Variants in PCDH15 observed in about 807,000 individuals in gnomAD.
PCDH15 encodes protocadherin-15.
Under a neutral mutation model 178.5 loss-of-function variants are expected in PCDH15, and 129 were observed. The ratio of observed to expected loss-of-function variants is 0.72; its 90% CI spans 0.63 to 0.84. The LOEUF (loss-of-function observed/expected upper bound fraction) is 0.84. Ranked by LOEUF, PCDH15 falls within the 40% of genes least tolerant of loss-of-function variation. PCDH15 has a pLI of 0.00. For synonymous variants in PCDH15, 800 were observed against 732.0 expected, an observed-to-expected ratio of 1.09 and a Z score of -1.50; for missense variants, 2,230 against 2,099.9, an observed-to-expected ratio of 1.06 and a Z score of -1.21.
chr10:54,228,675 G>T (rs1220720317), intron 9 of PCDH15, among the ~76,000 whole-genome samples: 2 of 152,206 alleles, frequency 1.3e-5, no homozygotes, highest in Non-Finnish European at 2.9e-5. Context: ...GGCAGGAGAA[G>T]ATGGACGTTC....
chr10:55,302,304 T>A (rs1843307273), intron 1 of PCDH15, among the ~76,000 whole-genome samples: 1 of 152,166 alleles, frequency 6.6e-6, no homozygotes, highest in Non-Finnish European at 1.5e-5. Flanking sequence ...AAACACTGCA[T>A]ATGTTTTACT....
chr10:53,955,386 T>G (rs551928189), intron 23 of PCDH15, among the ~76,000 whole-genome samples: 2 of 152,220 alleles, frequency 1.3e-5, no homozygotes, highest in Non-Finnish European at 2.9e-5. Context: ...ATTTAATGAC[T>G]GTCTAATAGA....
At chr10:55,158,876 G>A (rs1304354737) in intron 2 of PCDH15, among the ~76,000 whole-genome samples, 3 of 76,972 alleles carry the variant, frequency 3.9e-5, no homozygotes, top group Admixed American at 3.2e-4. Context: ...AGGGAGAGAG[G>A]GAGGGAGAAG....
At chr10:54,527,475 TG>T (rs1303789370) in intron 3 of PCDH15, among the ~76,000 whole-genome samples, 1 of 152,156 alleles carries the variant, frequency 6.6e-6, no homozygotes, top group Admixed American at 6.5e-5. Flanking sequence ...ACCACTTCTT[TG>T]GAGGAATACG....
At chr10:53,999,452 T>C (rs1205835435) in intron 20 of PCDH15, among the ~76,000 whole-genome samples, 1 of 152,220 alleles carries the variant, frequency 6.6e-6, no homozygotes, top group Non-Finnish European at 1.5e-5. Context: ...TTCCCTTCTT[T>C]TATGCTTCTG....
rs974331761 is a variant in PCDH15 at position 54,664,172 on chromosome 10, C to T, written c.91G>A (p.Asp31Asn). ...FEICLGQYDD[D>N]CKLARGGPPA... ...AAGGTCAAGCTAAAAGCAACCTTAC[C>T]ATCATCATACTGGCCCAAGCAGATT... Residue 31 changes from aspartate (D) to asparagine (N), a missense_variant and splice_region_variant, in exon 2 of 38, where the codon GAT (aspartate) becomes AAT (asparagine). Coordinates refer to ENST00000644397, the MANE Select transcript of PCDH15 (RefSeq NM_001384140.1). 6.2e-7 allele frequency: 1 copy of T among 1,610,766 alleles called. No individual in the cohort carries two copies. Among genetic ancestry groups the T allele is most frequent in the Non-Finnish European group, 8.5e-7 (1 of 1,177,798 alleles).
intron 1 of PCDH15, among the ~76,000 whole-genome samples, chr10:55,222,076 C>T (rs906229760): frequency 1.9e-4 from 29 of 151,376 alleles, no homozygotes; most frequent in Non-Finnish European, 2.5e-4. Context: ...GGGGTTTCAC[C>T]GTGTTAGCCA....
At chr10:55,423,472 G>A (rs1235822027) in intron 2 of PCDH15, among the ~76,000 whole-genome samples, 2 of 151,578 alleles carry the variant, frequency 1.3e-5, no homozygotes, top group African/African-American at 4.8e-5. Context: ...AATGGTTGAG[G>A]AAAACCAAAA....
intron 10 of PCDH15, among the ~76,000 whole-genome samples, chr10:54,200,541 T>C (rs2133972760): frequency 6.6e-6 from 1 of 152,202 alleles, no homozygotes; most frequent in East Asian, 1.9e-4. Context: ...GTATTCACCC[T>C]CCCAAGTTTT....
At chr10:55,031,944 T>C (rs1840621617) in intron 2 of PCDH15, among the ~76,000 whole-genome samples, 2 of 152,328 alleles carry the variant, frequency 1.3e-5, no homozygotes, top group South Asian at 2.1e-4. Context: ...GATTGGACTA[T>C]TGTTGTAACA....
chr10:54,438,982 T>C (rs1002397079), intron 3 of PCDH15, among the ~76,000 whole-genome samples: 1 of 152,090 alleles, frequency 6.6e-6, no homozygotes, highest in African/African-American at 2.4e-5. Flanking sequence ...AGAACTTGTC[T>C]GGCTACTTTT....
intron 2 of PCDH15, among the ~76,000 whole-genome samples, chr10:55,503,010 A>T (rs1042579352): frequency 1.3e-5 from 2 of 151,610 alleles, no homozygotes; most frequent in Non-Finnish European, 3.0e-5. Context: ...GCAAAACAAC[A>T]TATATTTTCC....
chr10:54,399,208 AAG>A (rs1951626995), intron 3 of PCDH15, among the ~76,000 whole-genome samples: 2 of 152,058 alleles, frequency 1.3e-5, no homozygotes, highest in African/African-American at 2.4e-5. Flanking sequence ...ACTCTCAGTG[AAG>A]AGAGTTGCAG....
At chr10:55,331,651 G>A (rs1042769779) in intron 2 of PCDH15, among the ~76,000 whole-genome samples, 1 of 152,006 alleles carries the variant, frequency 6.6e-6, no homozygotes, top group Non-Finnish European at 1.5e-5. Flanking sequence ...GTAGAAACAA[G>A]CAAGGTGGGT....
At position 54,340,698 on chromosome 10, in the gene PCDH15, G is replaced by T. The variant is rs1478170321; in HGVS notation, c.594+5667C>A. On this transcript the variant is annotated intron_variant, in intron 6 of 37. Transcript: ENST00000644397. ...AGTGGGTGACTTGAAAGATCCAAGT[G>T]CCTTGTTCATCCCTTCACTTGGGGG... Among the ~76,000 whole-genome samples the T allele has an allele frequency of 2.0e-5, 3 of 152,280 alleles. No homozygotes were observed. In the East Asian group the frequency reaches 5.8e-4, roughly 29 times the overall value.
chr10:54,873,719 T>C (rs1018207107), intron 3 of PCDH15, among the ~76,000 whole-genome samples: 3 of 138,188 alleles, frequency 2.2e-5, no homozygotes, highest in Non-Finnish European at 3.2e-5. Context: ...ATATATATAA[T>C]ATATGTGTAT....
At chr10:54,343,735 T>C (rs1043707425) in intron 6 of PCDH15, among the ~76,000 whole-genome samples, 5 of 151,882 alleles carry the variant, frequency 3.3e-5, no homozygotes, top group African/African-American at 7.3e-5. Context: ...ACATGGCACA[T>C]GTATACATAT....
chr10:54,953,917 T>G (rs1838410274), intron 2 of PCDH15, among the ~76,000 whole-genome samples: 1 of 151,338 alleles, frequency 6.6e-6, no homozygotes, highest in Non-Finnish European at 1.5e-5. Flanking sequence ...ATTTAAAAAA[T>G]ATATTTTCAG....
At chr10:54,300,044 C>T (rs934910260) in intron 8 of PCDH15, among the ~76,000 whole-genome samples, 2 of 152,158 alleles carry the variant, frequency 1.3e-5, no homozygotes, top group Non-Finnish European at 2.9e-5. Context: ...GAAATCTATC[C>T]TTACTCTACA....
Sources: gnomAD v4.1 joint callset for allele counts (sites outside exome capture counted in the v4.1 genomes callset) on GRCh38, gnomAD v4.1.1 for gene constraint, MANE v1.5 for transcripts, NCBI Gene and HGNC (gene_info 2026-07-23, HGNC 2026-07-21) for gene names.